ARAP1: variants seen among roughly 807,000 people sequenced by gnomAD.
ARAP1 encodes arf-GAP with Rho-GAP domain, ANK repeat and PH domain-containing protein 1.
ARAP1 carries 76 observed loss-of-function variants against 172.2 expected under a neutral mutation model. The observed-to-expected ratio is 0.44, with a 90% confidence interval of 0.37 to 0.53. The LOEUF is 0.53. Among genes scored for constraint, ARAP1 ranks in the 20% least tolerant of loss-of-function variants. The pLI, the probability that ARAP1 is intolerant of heterozygous loss-of-function variation, is 0.00. For synonymous variants in ARAP1, 804 were observed against 803.3 expected, an observed-to-expected ratio of 1.00 and a Z score of -0.01; for missense variants, 1,686 against 1,977.5, an observed-to-expected ratio of 0.85 and a Z score of 2.80.
chr11:72,729,234 T>C (rs1323640339), intron 2 of ARAP1, among the ~76,000 whole-genome samples: 4 of 152,176 alleles, frequency 2.6e-5, no homozygotes, highest in Admixed American at 6.5e-5. Flanking sequence ...AAAAAACTAA[T>C]GTGGATCCCT....
At position 72,686,036 on chromosome 11, in the gene ARAP1, A is replaced by G. The variant is rs566542057; in HGVS notation, c.4335+6T>C. 1 of 1,613,976 alleles carries G rather than the reference A, an allele frequency of 6.2e-7. No individual in the cohort carries two copies. The highest frequency in any genetic ancestry group is 1.3e-5 in the African/African-American group (1 of 75,056). On this transcript the variant is annotated splice_donor_region_variant and intron_variant, in intron 34 of 34. Transcript: ENST00000393609. ...CCCCTGCCCAAAGGCATGGAGAGCC[A>G]CTCACAGACAGAGGGTCCGCGGTGA...
In ARAP1 at chr11:72,726,405, G is replaced by A. The variant is rs185138681; in HGVS notation, c.509+215C>T. ...AAACCTGGAGGCCTCACTGGCACAC[G>A]CCCAGCAGCCCAGGCACTGCGCTGA... On this transcript the variant is annotated intron_variant, in intron 3 of 34. Transcript: ENST00000393609. The surrounding 1 kb of genome is among the most constrained non-coding windows in gnomAD (Gnocchi z 6.5). 2.0e-3 allele frequency among the ~76,000 whole-genome samples: 309 copies of A among 152,254 alleles called. 1 individual carries two copies. The highest frequency in any genetic ancestry group is 2.7e-3 in the Non-Finnish European group (185 of 68,024).
chr11:72,732,763 T>C (rs1857902829), intron 1 of ARAP1, among the ~76,000 whole-genome samples, 166 bp from the exon 2 acceptor site: 2 of 152,078 alleles, frequency 1.3e-5, no homozygotes, highest in African/African-American at 4.8e-5. Context: ...GCAGGTGGAT[T>C]CGAGTCCAGG....
rs148308999 is a variant in ARAP1, at chr11:72,693,459, C to A, written c.3820G>T (p.Gly1274Cys). The A allele has an allele frequency of 6.2e-7, 1 of 1,612,988 alleles. No individual in the cohort carries two copies. The highest frequency in any genetic ancestry group is 8.5e-7 in the Non-Finnish European group (1 of 1,179,254). The stretch of plus-strand genomic sequence containing the variant: ...TTCATCATGCCATGCTTGGTGTCAC[C>A]GACACGGCTGGCTGGGGGGTGGGAC... ...AMLLYLASRV[G>C]DTKHGMMKFR... The change falls in exon 29 of 35, where the codon GGT becomes TGT. Residue 1274 changes from glycine (G) to cysteine (C), a missense_variant. Physicochemically the swap from Gly to Cys is radical, Grantham distance 159. Coordinates refer to ENST00000393609, the MANE Select transcript of ARAP1 (RefSeq NM_001040118.3). This position sits in a 1 kb window ranked among gnomAD's most constrained non-coding sequence, Gnocchi z 4.6.
chr11:72,701,778 G>A lies in ARAP1; in HGVS notation c.2173C>T (p.Pro725Ser), dbSNP rs1683464482. ...AGGGGCTTCATCGAGTCCAGCCGAG[G>A]CACCTCTTTGTAGGCGGGGAAAGGA... ...FLRNNRTTEV[P>S]RLDSMKPLEK... Residue 725 changes from proline (P) to serine (S), a missense_variant, in exon 16 of 35, where the codon CCT becomes TCT. Transcript: ENST00000393609. 1 of 1,613,400 alleles carries A rather than the reference G, an allele frequency of 6.2e-7. No homozygotes were observed. The highest frequency in any genetic ancestry group is 8.5e-7 in the Non-Finnish European group (1 of 1,179,536).
At chr11:72,738,642 C>T (rs1309696844) in intron 1 of ARAP1, among the ~76,000 whole-genome samples, 1 of 152,076 alleles carries the variant, frequency 6.6e-6, no homozygotes, top group Non-Finnish European at 1.5e-5. Context: ...GGGCAGCGAC[C>T]CCAGCATCCA....
intron 16 of ARAP1, among the ~76,000 whole-genome samples, chr11:72,701,241 TG>T (rs1390188753): frequency 6.7e-6 from 1 of 148,656 alleles, no homozygotes; most frequent in African/African-American, 2.5e-5. Context: ...AGAGAGGTAA[TG>T]GGGGTGGTGG....
chr11:72,749,717 A>T (rs11602873), intron 1 of ARAP1, among the ~76,000 whole-genome samples: 17,906 of 152,000 alleles, frequency 0.12, 1,407 homozygotes, highest in South Asian at 0.2. Flanking sequence ...CCCCGTCTCT[A>T]CTAAAAATAC....
At chr11:72,744,752 T>TC (rs1858303448) in intron 1 of ARAP1, among the ~76,000 whole-genome samples, 2 of 151,824 alleles carry the variant, frequency 1.3e-5, no homozygotes, top group Admixed American at 1.3e-4. Flanking sequence ...CCCACATATC[T>TC]CCAAGTGGGC....
chr11:72,740,980 C>A (rs1307570954), intron 1 of ARAP1, among the ~76,000 whole-genome samples: 6 of 152,118 alleles, frequency 3.9e-5, no homozygotes, highest in African/African-American at 1.2e-4. Flanking sequence ...GAATGTCTAA[C>A]ATACCTCACT....
chr11:72,745,908 G>A (rs1858352304), intron 1 of ARAP1, among the ~76,000 whole-genome samples: 1 of 152,166 alleles, frequency 6.6e-6, no homozygotes, highest in South Asian at 2.1e-4. Flanking sequence ...GGCCCAGACA[G>A]CACGGGAAAC....
intron 15 of ARAP1, 95 bp from the exon 16 acceptor site, chr11:72,701,878 T>G: frequency 1.3e-6 from 2 of 1,491,360 alleles, no homozygotes; most frequent in Non-Finnish European, 1.8e-6. Flanking sequence ...AGGCTCACTT[T>G]CGAATCATCA....
At position 72,699,440 on chromosome 11, in the gene ARAP1, T is replaced by C. The variant is rs370873534; in HGVS notation, c.2415A>G (p.Ala805=). ...ACCCATGGGTGTCAGGAGGGGGCAC[T>C]GCCAGGCACACAATCTCGCTGGCCC... The part of the protein sequence containing the change: ...EIRASEIVCL[A]VPPPDTHGFE... Residue 805 remains alanine (A), a synonymous_variant, in exon 17 of 35, where the codon GCA becomes GCG. Coordinates refer to ENST00000393609, the MANE Select transcript of ARAP1 (RefSeq NM_001040118.3). The surrounding 1 kb of genome is among the most constrained non-coding windows in gnomAD (Gnocchi z 4.2). 297 of 1,614,050 alleles carry C rather than the reference T, an allele frequency of 1.8e-4. No homozygotes were observed. The highest frequency in any genetic ancestry group is 4.7e-4 in the Admixed American group (28 of 60,000).
At chr11:72,702,775 A>G in intron 15 of ARAP1, 130 bp downstream of exon 15, 9 of 1,194,826 alleles carry the variant, frequency 7.5e-6, no homozygotes, top group Non-Finnish European at 1.0e-5. Flanking sequence ...AAACCCAAGC[A>G]CACCCCAGCT....
intron 3 of ARAP1, among the ~76,000 whole-genome samples, chr11:72,716,638 G>A (rs942820915): frequency 1.3e-5 from 2 of 152,260 alleles, no homozygotes; most frequent in Non-Finnish European, 2.9e-5. Flanking sequence ...GGGGATGTTA[G>A]AAAACTACTG....
intron 4 of ARAP1, among the ~76,000 whole-genome samples, 154 bp from the exon 5 acceptor site, chr11:72,713,397 G>A (rs1369722997): frequency 1.3e-5 from 2 of 152,176 alleles, no homozygotes; most frequent in East Asian, 1.9e-4. Flanking sequence ...CAGGAAGTGC[G>A]ATTTATACCC....
rs140387760 is a variant in ARAP1, at chr11:72,695,480, G to A, written c.3508-25C>T. 57 of 1,614,182 alleles carry A rather than the reference G, an allele frequency of 3.5e-5. No homozygotes were observed. In the Middle Eastern group the frequency reaches 6.6e-4, roughly 19 times the overall value. On this transcript the variant is annotated intron_variant, in intron 25 of 34. Coordinates refer to ENST00000393609, the MANE Select transcript of ARAP1 (RefSeq NM_001040118.3). This position sits in a 1 kb window ranked among gnomAD's most constrained non-coding sequence, Gnocchi z 4.4. ...GCTGCAGGGAGACAGGGCTCAGCTG[G>A]GGGCCTAGGAAATGGGTGCAGGTGG...
At position 72,707,170 on chromosome 11, in the gene ARAP1, C is replaced by T; in HGVS notation, c.1723+5G>A. 6.4e-7 allele frequency: 1 copy of T among 1,573,378 alleles called. No individual in the cohort carries two copies. Among genetic ancestry groups the T allele is most frequent in the Non-Finnish European group, 8.6e-7 (1 of 1,157,764 alleles). On this transcript the variant is annotated splice_donor_5th_base_variant and intron_variant, in intron 12 of 34. Coordinates refer to ENST00000393609, the MANE Select transcript of ARAP1 (RefSeq NM_001040118.3). ...TGCCTGGTGCCCCGACCCCCATGCA[C>T]ACACCTGCACAGCGCTTGCAGATAA...
At position 72,695,816 on chromosome 11, in the gene ARAP1, T is replaced by C. The variant is rs1402763346; in HGVS notation, c.3322A>G (p.Ile1108Val). 4.3e-6 allele frequency: 7 copies of C among 1,613,782 alleles called. No homozygotes were observed. Among genetic ancestry groups the C allele is most frequent in the Non-Finnish European group, 5.9e-6 (7 of 1,179,960 alleles). The change falls in exon 24 of 35, where the codon ATT becomes GTT. Residue 1108 changes from isoleucine to valine, a missense_variant. This residue lies in a region of ARAP1 where 379 missense variants were observed against 500.1 expected (regional missense o/e 0.76). Transcript: ENST00000393609. This position sits in a 1 kb window ranked among gnomAD's most constrained non-coding sequence, Gnocchi z 4.4. ...TGGAAGAGCGTGGGCCCAAACACAATTGCCAGGTTGTGCACGTTCATCTGG... is the reference window on the plus strand; with the variant it reads ...TGGAAGAGCGTGGGCCCAAACACAACTGCCAGGTTGTGCACGTTCATCTGG... Reference protein sequence around the residue: ...TNQMNVHNLAIVFGPTLFQTD... With the variant: ...TNQMNVHNLAVVFGPTLFQTD...
Sources: gnomAD v4.1 joint callset for allele counts (sites outside exome capture counted in the v4.1 genomes callset) on GRCh38, gnomAD v4.1.1 for gene constraint, gnomAD v4.1.1 regional missense constraint, Gnocchi (gnomAD v3.1) non-coding constraint, MANE v1.5 for transcripts, NCBI Gene and HGNC (gene_info 2026-07-23, HGNC 2026-07-21) for gene names.